COL21A1: variants seen among roughly 807,000 people sequenced by gnomAD.
COL21A1 encodes the protein collagen type XXI alpha 1 chain.
COL21A1 carries 149 observed loss-of-function variants against 137.9 expected under a neutral mutation model. The ratio of observed to expected loss-of-function variants is 1.08; its 90% confidence interval spans 0.95 to 1.24. The LOEUF (loss-of-function observed/expected upper bound fraction) is 1.24, where lower values mean the gene tolerates loss of function less well. Ranked by LOEUF, COL21A1 falls within the 50% of genes most tolerant of loss-of-function variation. The pLI, the probability that COL21A1 is intolerant of heterozygous loss-of-function variation, is 0.00. For synonymous variants in COL21A1, 456 were observed against 391.5 expected (o/e 1.16, Z -1.95); for missense variants, 1,167 against 1,158.4 (o/e 1.01, Z -0.11).
chr6:56,135,973 G>A (rs1171448707), intron 12 of COL21A1, among the ~76,000 whole-genome samples: 3 of 151,832 alleles, frequency 2.0e-5, no homozygotes, highest in African/African-American at 7.3e-5. Flanking sequence ...TTTTTTCTCG[G>A]TACAACTACT....
chr6:56,240,176 A>T (rs866846353), intron 1 of COL21A1, among the ~76,000 whole-genome samples: 4 of 100,526 alleles, frequency 4.0e-5, no homozygotes, highest in African/African-American at 8.8e-5. Flanking sequence ...TTTTTTTTTT[A>T]AATAAACTAC....
At position 56,280,913 on chromosome 6, in the gene COL21A1, G is replaced by A. The variant is rs537545748; in HGVS notation, c.-38-98257C>T. Among the ~76,000 whole-genome samples, 262 of 152,276 alleles carry A rather than the reference G, an allele frequency of 1.7e-3. 2 individuals are homozygous for A. The highest frequency in any genetic ancestry group is 4.1e-3 in the East Asian group (21 of 5,162). ...GCACATACTAGAGGGGCTGAGGTAG[G>A]AGGATCACTGGAGCCTGAGAGGTTA... On this transcript the variant is annotated intron_variant, in intron 1 of 28. Coordinates refer to the COL21A1 transcript ENST00000370819.
chr6:56,278,852 A>G (rs1763729995), intron 1 of COL21A1, among the ~76,000 whole-genome samples: 1 of 152,238 alleles, frequency 6.6e-6, no homozygotes. Flanking sequence ...CCTTCTTGAA[A>G]GAGTAATGAA....
intron 17 of COL21A1, among the ~76,000 whole-genome samples, chr6:56,101,264 C>A (rs1422480419): frequency 2.0e-5 from 3 of 152,176 alleles, no homozygotes; most frequent in Non-Finnish European, 4.4e-5. Context: ...GTGACTCACA[C>A]TGTTTGCAAA....
At chr6:56,232,833 G>A (rs1473096500) in intron 1 of COL21A1, among the ~76,000 whole-genome samples, 1 of 151,886 alleles carries the variant, frequency 6.6e-6, no homozygotes, top group Non-Finnish European at 1.5e-5. Flanking sequence ...ATATCAAAAT[G>A]ACTCTTGTTC....
intron 1 of COL21A1, among the ~76,000 whole-genome samples, chr6:56,240,333 C>T (rs78454830): frequency 1.1e-3 from 166 of 152,258 alleles, no homozygotes; most frequent in Non-Finnish European, 1.9e-3. Flanking sequence ...GAGGGTGCAG[C>T]CATGAGGCGC....
chr6:56,360,759 C>G (rs1402027913), intron 1 of COL21A1, among the ~76,000 whole-genome samples: 1 of 152,004 alleles, frequency 6.6e-6, no homozygotes, highest in African/African-American at 2.4e-5. Context: ...CAACCCTCAC[C>G]TTTTTTCTTA....
At chr6:56,060,853 T>G in intron 26 of COL21A1, 38 bp downstream of exon 26, 6 of 1,585,262 alleles carry the variant, frequency 3.8e-6, no homozygotes, top group Non-Finnish European at 4.3e-6. Context: ...CAAAAATCAA[T>G]GAAAATGTAA....
chr6:56,193,325 A>T lies in COL21A1; in HGVS notation c.-38-10669T>A, dbSNP rs189892586. ...TAAAGTATAATAAAAAATAAAAATT[A>T]AAAAATTTAAAAAAAGAAATGCTAA... On this transcript the variant is annotated intron_variant, in intron 1 of 29. Transcript: ENST00000244728. Among the ~76,000 whole-genome samples, 1,381 of 152,306 alleles carry T rather than the reference A, an allele frequency of 9.1e-3. 3 individuals carry two copies. Among genetic ancestry groups the T allele is most frequent in the Non-Finnish European group, 0.012 (793 of 68,028 alleles).
intron 1 of COL21A1, among the ~76,000 whole-genome samples, chr6:56,290,554 C>T: frequency 7.3e-6 from 1 of 137,482 alleles, no homozygotes. Flanking sequence ...GGTTAGAGTG[C>T]AGTGGCATGA....
intron 24 of COL21A1, 98 bp downstream of exon 24, chr6:56,064,480 C>T: frequency 1.3e-6 from 1 of 796,872 alleles, no homozygotes; most frequent in Non-Finnish European, 2.1e-6. Flanking sequence ...TATTGTCCTT[C>T]TCCCCACCCA....
intron 1 of COL21A1, among the ~76,000 whole-genome samples, chr6:56,267,537 A>C (rs1763419549): frequency 6.6e-6 from 1 of 152,018 alleles, no homozygotes; most frequent in South Asian, 2.1e-4. Context: ...TGGGCAGATC[A>C]TATGAGGTCA....
At chr6:56,188,705 C>T (rs1031017665) in intron 1 of COL21A1, among the ~76,000 whole-genome samples, 8 of 152,178 alleles carry the variant, frequency 5.3e-5, no homozygotes, top group African/African-American at 1.9e-4. Flanking sequence ...TAGGGACCGA[C>T]AGACACCTCA....
chr6:56,369,129 T>C (rs1025546620), intron 1 of COL21A1, among the ~76,000 whole-genome samples: 3 of 152,034 alleles, frequency 2.0e-5, no homozygotes, highest in Non-Finnish European at 4.4e-5. Flanking sequence ...TTCCTAACTA[T>C]AGCCAAAAGA....
At chr6:56,173,618 A>C (rs1777229846) in intron 3 of COL21A1, among the ~76,000 whole-genome samples, 1 of 152,180 alleles carries the variant, frequency 6.6e-6, no homozygotes, top group Admixed American at 6.5e-5. Flanking sequence ...AAAGAAAGAT[A>C]TCCTACTATG....
At chr6:56,383,070 G>A (rs2094011487) in intron 1 of COL21A1, among the ~76,000 whole-genome samples, 1 of 152,092 alleles carries the variant, frequency 6.6e-6, no homozygotes, top group Non-Finnish European at 1.5e-5. Context: ...GTCAATACAG[G>A]ATGCTATAAC....
At chr6:56,309,181 A>G (rs1764543728) in intron 1 of COL21A1, among the ~76,000 whole-genome samples, 1 of 152,044 alleles carries the variant, frequency 6.6e-6, no homozygotes. Flanking sequence ...AGCTGGGACT[A>G]CAGACACATG....
chr6:56,144,665 A>G (rs749783191), intron 10 of COL21A1, among the ~76,000 whole-genome samples: 1 of 152,164 alleles, frequency 6.6e-6, no homozygotes. Context: ...GTTATAGAGG[A>G]CGCATTTCAT....
At position 56,333,718 on chromosome 6, in the gene COL21A1, T is replaced by C. The variant is rs560487917; in HGVS notation, c.-39+60253A>G. 2.6e-5 allele frequency among the ~76,000 whole-genome samples: 4 copies of C among 152,218 alleles called. No individual in the cohort carries two copies. The East Asian group carries it at 7.7e-4, about 29-fold the overall frequency. On this transcript the variant is annotated intron_variant, in intron 1 of 28. Coordinates refer to the COL21A1 transcript ENST00000370819. ...TATCAACCTATATTCCAAAGTATCA[T>C]TTTACTTTCCGAACAGTAGCATATG... is the stretch of plus-strand genomic sequence containing the variant.
Sources: allele counts gnomAD v4.1 joint callset (sites outside exome capture counted in the v4.1 genomes callset), GRCh38; gene constraint gnomAD v4.1.1; transcripts MANE v1.5; gene names NCBI Gene and HGNC (gene_info 2026-07-23, HGNC 2026-07-21).